Variants in AKAP12 observed in about 807,000 individuals in gnomAD.
The protein encoded by AKAP12 is A-kinase anchoring protein 12.
Under a neutral mutation model 79.9 loss-of-function variants are expected in AKAP12, and 32 were observed. The observed-to-expected ratio is 0.40, with a 90% CI of 0.30 to 0.54. The LOEUF (loss-of-function observed/expected upper bound fraction) is 0.54. AKAP12 is among the 20% of genes least tolerant of loss of function. The probability of loss-of-function intolerance (pLI) is 0.48; values close to 1 mark genes in which losing one functional copy is unlikely to be tolerated. For synonymous variants in AKAP12, 808 were observed against 857.0 expected (o/e 0.94, Z 1.00); for missense variants, 2,074 against 2,177.0 (o/e 0.95, Z 0.94).
intron 3 of AKAP12, among the ~76,000 whole-genome samples, chr6:151,346,600 C>T (rs1371469951): frequency 2.0e-5 from 3 of 152,166 alleles, no homozygotes; most frequent in South Asian, 2.1e-4. Context: ...CCAGGAAGCG[C>T]GATGGCATCT....
At chr6:151,321,903 G>GTTGTTTTTTTT (rs1554329714) in intron 3 of AKAP12, among the ~76,000 whole-genome samples, 1 of 67,328 alleles carries the variant, frequency 1.5e-5, no homozygotes, top group African/African-American at 6.2e-5. Context: ...TCAGCTTTAT[G>GTTGTTTTTTTT]TTTTTTTTTT....
At chr6:151,329,770 T>C (rs998684008) in intron 3 of AKAP12, among the ~76,000 whole-genome samples, 1 of 152,202 alleles carries the variant, frequency 6.6e-6, no homozygotes, top group African/African-American at 2.4e-5. Flanking sequence ...GCAGGTGTTG[T>C]TCAGCACTTT....
At chr6:151,342,248 G>C (rs1292456814) in intron 3 of AKAP12, among the ~76,000 whole-genome samples, 1 of 152,268 alleles carries the variant, frequency 6.6e-6, no homozygotes, top group Non-Finnish European at 1.5e-5. Context: ...GCCATGGGGA[G>C]TGTGAAGCCC....
intron 2 of AKAP12, among the ~76,000 whole-genome samples, chr6:151,254,058 A>AT (rs1299980708): frequency 6.6e-6 from 1 of 152,052 alleles, no homozygotes; most frequent in Non-Finnish European, 1.5e-5. Context: ...TGATTCCTAT[A>AT]TTGTTAACCT....
At chr6:151,257,870 G>A (rs78127388) in intron 2 of AKAP12, among the ~76,000 whole-genome samples, 6,498 of 152,298 alleles carry the variant, frequency 0.043, 167 homozygotes, top group Middle Eastern at 0.12. Context: ...AGAAAGAGGA[G>A]TAGAAAATGA....
intron 3 of AKAP12, among the ~76,000 whole-genome samples, chr6:151,327,098 A>G (rs1406426442): frequency 6.8e-6 from 1 of 147,520 alleles, no homozygotes; most frequent in Non-Finnish European, 1.5e-5. Context: ...TATAGACGTG[A>G]GCCACCGCAC....
At chr6:151,273,629 T>C (rs1443929538) in intron 2 of AKAP12, among the ~76,000 whole-genome samples, 1 of 152,222 alleles carries the variant, frequency 6.6e-6, no homozygotes, top group Non-Finnish European at 1.5e-5. Flanking sequence ...CCAACTTTTA[T>C]GTCAAACTTA....
At chr6:151,340,299 C>T (rs182682920) in intron 3 of AKAP12, among the ~76,000 whole-genome samples, 1 of 150,790 alleles carries the variant, frequency 6.6e-6, no homozygotes, top group African/African-American at 2.4e-5. Context: ...ACTTTATCCA[C>T]TCACTTATTG....
In AKAP12 at chr6:151,357,589, T is replaced by C. The variant is rs1778472168; in HGVS notation, c.*1875T>C. On this transcript the variant is annotated 3_prime_UTR_variant, in exon 5 of 5. Transcript: ENST00000402676. ...AAACACCTCATGATAGCAGTGTATA[T>C]ATAGTCTTGTTTGTAGTTGGAAGTC... 6.6e-6 allele frequency: 1 copy of C among 152,122 alleles called. No individual in the cohort carries two copies. The highest frequency in any genetic ancestry group is 6.6e-5 in the Admixed American group (1 of 15,266). 9.4% of individuals were successfully genotyped at this position (152,122 alleles called of 1,614,324 possible).
chr6:151,337,054 A>G (rs11155784), intron 3 of AKAP12, among the ~76,000 whole-genome samples: 11,946 of 152,160 alleles, frequency 0.079, 479 homozygotes, highest in Middle Eastern at 0.23. Flanking sequence ...TAATACGTAG[A>G]TAAAATTTAT....
In AKAP12 at chr6:151,353,345, A is replaced by C. The variant is rs769978260; in HGVS notation, c.4954A>C (p.Asn1652His). The change falls in exon 4 of 5, where the codon AAT becomes CAT. Residue 1652 changes from asparagine (N) to histidine (H), a missense_variant. This residue lies in a region of AKAP12 where 614 missense variants were observed against 665.6 expected (regional missense o/e 0.92). Transcript: ENST00000402676. ...TGTTGAGGTAGAAGGTTCCACTGTA[A>C]ATGATCAGCAGCTGGAAGAGGTCGT... ...MTVEVEGSTV[N>H]DQQLEEVVLP... 6.2e-7 allele frequency: 1 copy of C among 1,614,230 alleles called. No homozygotes were observed. Among genetic ancestry groups the C allele is most frequent in the Admixed American group, 1.7e-5 (1 of 60,022 alleles).
At chr6:151,297,201 T>C (rs1776752906) in intron 2 of AKAP12, among the ~76,000 whole-genome samples, 1 of 147,580 alleles carries the variant, frequency 6.8e-6, no homozygotes, top group South Asian at 2.2e-4. Context: ...GGTGTATGTG[T>C]ATGTGTGTGT....
chr6:151,283,509 T>A (rs1411992204), intron 2 of AKAP12, among the ~76,000 whole-genome samples: 8 of 152,236 alleles, frequency 5.3e-5, no homozygotes, highest in Admixed American at 5.2e-4. Context: ...TTTTCTGTAA[T>A]ACTAATGGCT....
At chr6:151,271,616 G>T (rs1046428144) in intron 2 of AKAP12, among the ~76,000 whole-genome samples, 2 of 144,232 alleles carry the variant, frequency 1.4e-5, no homozygotes, top group African/African-American at 5.1e-5. Flanking sequence ...GCCACTACAC[G>T]CCCCCAGCCC....
rs1303327962 is a variant in AKAP12 at position 151,332,033 on chromosome 6, G to GTTGTTTTTT, written c.320-16676_320-16675insGTTTTTTTT. ...GAGTAGCACGTCCAGTTCTGGGTCT[G>GTTGTTTTTT]TTTTTTTTTTTTTTTTTTTTTGAGA... On this transcript the variant is annotated intron_variant, in intron 3 of 4. Coordinates refer to ENST00000402676, the MANE Select transcript of AKAP12 (RefSeq NM_005100.4). Among the ~76,000 whole-genome samples, 68 of 79,668 alleles carry GTTGTTTTTT rather than the reference G, an allele frequency of 8.5e-4. 2 individuals are homozygous for GTTGTTTTTT. Among genetic ancestry groups the GTTGTTTTTT allele is most frequent in the African/African-American group, 3.4e-3 (63 of 18,422 alleles). 52.3% of individuals were successfully genotyped at this position (79,668 alleles called of 152,430 possible). A position where few individuals can be genotyped will look rare whatever the true frequency, so the allele number is the denominator to read the frequency against.
rs1240532059 is a variant in AKAP12, at chr6:151,289,500, CT to C, written c.163-16245del. 3.9e-5 allele frequency among the ~76,000 whole-genome samples: 6 copies of C among 152,328 alleles called. No individual in the cohort carries two copies. The Middle Eastern group carries it at 0.014, about 345-fold the overall frequency. On this transcript the variant is annotated intron_variant, in intron 2 of 4. Transcript: ENST00000402676. ...AAAAAGCAAAAAGCCAAAAACCCAT[CT>C]TGTGGTTGATGTGGTTTCCATAGGG...
chr6:151,348,456 T>C, intron 3 of AKAP12: 1 of 565,244 alleles, frequency 1.8e-6, no homozygotes, highest in Admixed American at 2.4e-5. Context: ...CTGGACAACA[T>C]AGTGAGATCT....
At chr6:151,303,909 G>A (rs1250399762) in intron 2 of AKAP12, among the ~76,000 whole-genome samples, 1 of 152,062 alleles carries the variant, frequency 6.6e-6, no homozygotes, top group Non-Finnish European at 1.5e-5. Flanking sequence ...ACAGAAAAAC[G>A]CTGGAAATAG....
chr6:151,341,796 G>C (rs1176269341), intron 3 of AKAP12: 1 of 1,288,580 alleles, frequency 7.8e-7, no homozygotes, highest in African/African-American at 1.5e-5. Context: ...GGTGTGTGTG[G>C]GTTTTCCAGC....
Sources: allele counts gnomAD v4.1 joint callset (sites outside exome capture counted in the v4.1 genomes callset), GRCh38; gene constraint gnomAD v4.1.1; regional missense constraint gnomAD v4.1.1; transcripts MANE v1.5; gene names NCBI Gene and HGNC (gene_info 2026-07-23, HGNC 2026-07-21).